The following LPP variants were observed in gnomAD, a reference collection of about 807,000 sequenced individuals.
LPP encodes the protein lipoma-preferred partner.
Under a neutral mutation model 60.4 loss-of-function variants are expected in LPP, and 38 were observed. That is an observed-to-expected ratio of 0.63 (90% CI 0.49 to 0.83). The LOEUF is 0.83. Among genes scored for constraint, LPP ranks in the 40% least tolerant of loss-of-function variants. LPP has a pLI of 0.00. For missense variants in LPP, 902 were observed against 783.6 expected (o/e 1.15, Z -1.80); for synonymous variants, 328 against 290.8 (o/e 1.13, Z -1.30).
intron 6 of LPP, among the ~76,000 whole-genome samples, chr3:188,599,749 G>GGGGGGT (rs1279900940): frequency 5.6e-5 from 2 of 35,754 alleles, no homozygotes; most frequent in Non-Finnish European, 1.1e-4. Context: ...GGACTCGTTA[G>GGGGGGT]GGGTGTGTGT....
intron 9 of LPP, among the ~76,000 whole-genome samples, chr3:188,843,302 A>G (rs1055366565): frequency 2.0e-5 from 3 of 152,086 alleles, no homozygotes; most frequent in African/African-American, 7.2e-5. Flanking sequence ...CACTTTTTCT[A>G]CTAGCGTCAT....
chr3:188,723,863 T>C lies in LPP; in HGVS notation c.1240+15470T>C, dbSNP rs569341128. On this transcript the variant is annotated intron_variant, in intron 8 of 11. Coordinates refer to ENST00000617246, the MANE Select transcript of LPP (RefSeq NM_001375462.1). Reference sequence around the variant, plus strand: ...TATTTTCCTCATGTGTGTTTATATATTTTCTATTTTACTGTAAAATTACTA... The same window carrying C: ...TATTTTCCTCATGTGTGTTTATATACTTTCTATTTTACTGTAAAATTACTA... Among the ~76,000 whole-genome samples the C allele has an allele frequency of 1.3e-4, 20 of 152,334 alleles. No individual in the cohort carries two copies. In the South Asian group the frequency reaches 4.1e-3, roughly 32 times the overall value.
chr3:188,629,130 A>C (rs1022502626), intron 7 of LPP, among the ~76,000 whole-genome samples: 4 of 152,170 alleles, frequency 2.6e-5, no homozygotes, highest in Non-Finnish European at 4.4e-5. Flanking sequence ...CATCTATGTC[A>C]AACCCTCAGC....
chr3:188,194,711 AT>A (rs1356552079), intron 1 of LPP, among the ~76,000 whole-genome samples: 50 of 152,352 alleles, frequency 3.3e-4, no homozygotes, highest in Non-Finnish European at 5.9e-5. Context: ...CATGATTGAA[AT>A]GTATATTACA....
intron 2 of LPP, among the ~76,000 whole-genome samples, chr3:188,285,815 G>C (rs1743728621): frequency 6.6e-6 from 1 of 152,148 alleles, no homozygotes; most frequent in Non-Finnish European, 1.5e-5. Context: ...CTAGCTTGCT[G>C]TTTATCCTGG....
chr3:188,721,150 G>A (rs907916347), intron 8 of LPP, among the ~76,000 whole-genome samples: 4 of 151,850 alleles, frequency 2.6e-5, no homozygotes, highest in East Asian at 3.9e-4. Flanking sequence ...CTTTTTATCC[G>A]ACTTTGTCTT....
At chr3:188,563,485 T>TGTGTGTGTGTGTGTGTGTGG (rs61021696) in intron 6 of LPP, among the ~76,000 whole-genome samples, 2 of 131,362 alleles carry the variant, frequency 1.5e-5, no homozygotes, top group South Asian at 2.6e-4. Context: ...TGTGTGTGTG[T>TGTGTGTGTGTGTGTGTGTGG]GGTATATTAT....
chr3:188,674,688 A>G (rs1857634373), intron 7 of LPP, among the ~76,000 whole-genome samples: 2 of 152,218 alleles, frequency 1.3e-5, no homozygotes, highest in South Asian at 2.1e-4. Context: ...ACCCTGCTAG[A>G]TAAGGTTTAC....
At chr3:188,489,887 G>C (rs1489708028) in intron 5 of LPP, among the ~76,000 whole-genome samples, 1 of 152,088 alleles carries the variant, frequency 6.6e-6, no homozygotes, top group Non-Finnish European at 1.5e-5. Flanking sequence ...CAGTCCTGTG[G>C]CTTGCTTTCA....
At chr3:188,293,438 G>A (rs1746726768) in intron 2 of LPP, among the ~76,000 whole-genome samples, 1 of 152,196 alleles carries the variant, frequency 6.6e-6, no homozygotes. Flanking sequence ...ATGTAGAATG[G>A]CTTAGGTTAT....
At position 188,836,309 on chromosome 3, in the gene LPP, C is replaced by A. The variant is rs369082760; in HGVS notation, c.1411-29891C>A. On this transcript the variant is annotated intron_variant, in intron 9 of 11. Transcript: ENST00000617246. ...TTTAGTCTGTAGGCTTGGAGGTGGG[C>A]AAACATGACATATTCCTGGGTATTC... is the stretch of plus-strand genomic sequence containing the variant. 5.3e-5 allele frequency among the ~76,000 whole-genome samples: 8 copies of A among 152,250 alleles called. No individual in the cohort carries two copies. The South Asian group carries it at 6.2e-4, about 12-fold the overall frequency.
At chr3:188,250,757 T>C (rs556022194) in intron 2 of LPP, among the ~76,000 whole-genome samples, 1 of 118,830 alleles carries the variant, frequency 8.4e-6, no homozygotes, top group Non-Finnish European at 1.7e-5. Flanking sequence ...TTTCTTTCTT[T>C]CTTTCTTTCT....
intron 7 of LPP, among the ~76,000 whole-genome samples, chr3:188,651,394 A>G (rs956360446): frequency 2.6e-5 from 4 of 152,228 alleles, no homozygotes; most frequent in Admixed American, 2.6e-4. Flanking sequence ...ATCATAAAAC[A>G]GTAGAAACTT....
At chr3:188,775,206 C>T (rs912525217) in intron 9 of LPP, among the ~76,000 whole-genome samples, 2 of 152,130 alleles carry the variant, frequency 1.3e-5, no homozygotes, top group African/African-American at 2.4e-5. Flanking sequence ...GCATGTGCCA[C>T]CACGCCCAGC....
intron 3 of LPP, among the ~76,000 whole-genome samples, chr3:188,371,227 A>T (rs922086896): frequency 2.6e-5 from 4 of 152,122 alleles, no homozygotes; most frequent in Non-Finnish European, 5.9e-5. Flanking sequence ...AGCCTGTCCA[A>T]TCCCCATTAA....
chr3:188,580,568 T>G (rs953144662), intron 6 of LPP, among the ~76,000 whole-genome samples: 4 of 152,214 alleles, frequency 2.6e-5, no homozygotes, highest in African/African-American at 9.7e-5. Context: ...TAGGAAGGCA[T>G]GTTTCTTCAG....
At chr3:188,554,638 C>T (rs1015452316) in intron 6 of LPP, among the ~76,000 whole-genome samples, 13 of 152,196 alleles carry the variant, frequency 8.5e-5, no homozygotes, top group African/African-American at 2.4e-4. Flanking sequence ...CTATGACTCA[C>T]AATCCAAATC....
At chr3:188,422,912 TTTGTGTGTGTG>T (rs1198118679) in intron 4 of LPP, among the ~76,000 whole-genome samples, 7 of 135,664 alleles carry the variant, frequency 5.2e-5, no homozygotes, top group Admixed American at 4.8e-4. Context: ...TGGTGTCTTC[TTTGTGTGTGTG>T]TGTGTGTGTG....
intron 7 of LPP, among the ~76,000 whole-genome samples, chr3:188,622,884 C>T (rs7613930): frequency 0.19 from 29,436 of 151,836 alleles, 3,266 homozygotes; most frequent in South Asian, 0.38. Context: ...AAAAATTAGC[C>T]AGGCGTGGTG....
Sources: allele counts gnomAD v4.1 joint callset (sites outside exome capture counted in the v4.1 genomes callset), GRCh38; gene constraint gnomAD v4.1.1; transcripts MANE v1.5; gene names NCBI Gene and HGNC (gene_info 2026-07-23, HGNC 2026-07-21).